TET1: variants seen among roughly 807,000 people sequenced by gnomAD.
The protein encoded by TET1 is methylcytosine dioxygenase TET1.
TET1 carries 13 observed loss-of-function variants against 148.7 expected under a neutral mutation model. That is an observed-to-expected ratio of 0.09 (90% CI 0.06 to 0.14). TET1 has a LOEUF of 0.14. Ranked by LOEUF, TET1 falls within the 10% of genes least tolerant of loss-of-function variation. The pLI is 1.00. For missense variants in TET1, 2,182 were observed against 2,553.8 expected (o/e 0.85, Z 3.14); for synonymous variants, 907 against 937.2 (o/e 0.97, Z 0.59).
At chr10:68,608,494 C>A (rs1420691494) in intron 3 of TET1, among the ~76,000 whole-genome samples, 1 of 152,088 alleles carries the variant, frequency 6.6e-6, no homozygotes, top group African/African-American at 2.4e-5. Context: ...CTTGGCCTCC[C>A]TAAGTGCTGG....
rs193189581 is a variant in TET1 at position 68,568,322 on chromosome 10, A to G, written c.-122-3895A>G. ...CCTGCAACCTCCACCTCTCTGGTTC[A>G]AGCGATTCTCATGCCTCAGCCTCCC... On this transcript the variant is annotated intron_variant, in intron 1 of 11. Transcript: ENST00000373644. Among the ~76,000 whole-genome samples the G allele has an allele frequency of 2.8e-3, 417 of 147,678 alleles. 3 individuals carry two copies. Among genetic ancestry groups the G allele is most frequent in the African/African-American group, 9.7e-3 (386 of 39,672 alleles).
At chr10:68,624,669 T>TTTCTTTCTTC (rs2054442623) in intron 3 of TET1, among the ~76,000 whole-genome samples, 1 of 91,682 alleles carries the variant, frequency 1.1e-5, no homozygotes, top group African/African-American at 4.4e-5. Context: ...TCTCTCTCTC[T>TTTCTTTCTTC]CTCTCTCTCT....
At chr10:68,568,879 G>T (rs2053635743) in intron 1 of TET1, among the ~76,000 whole-genome samples, 1 of 151,994 alleles carries the variant, frequency 6.6e-6, no homozygotes, top group African/African-American at 2.4e-5. Flanking sequence ...AAAGACCTGT[G>T]GGATCTTGTA....
Position 68,691,445 on chromosome 10 carries a change from T to C in TET1, c.6042T>C (p.Ala2014=), listed in dbSNP as rs1200700578. The stretch of plus-strand genomic sequence containing the variant: ...TTGGTGGGGTGGCCATCGCACCTGC[T>C]CACGGCTCGGTTTTGATTGAGTGTG... ...ANIGGVAIAP[A]HGSVLIECAR... is the part of the protein sequence containing the mutation. Residue 2014 remains alanine, a synonymous_variant, in exon 12 of 12, where the codon GCT becomes GCC. Coordinates refer to ENST00000373644, the MANE Select transcript of TET1 (RefSeq NM_030625.3). This position sits in a 1 kb window ranked among gnomAD's most constrained non-coding sequence, Gnocchi z 4.4. 1 of 1,614,046 alleles carries C rather than the reference T, an allele frequency of 6.2e-7. No individual in the cohort carries two copies. Among genetic ancestry groups the C allele is most frequent in the African/African-American group, 1.3e-5 (1 of 74,918 alleles).
chr10:68,687,795 G>A (rs2055535346), intron 11 of TET1, among the ~76,000 whole-genome samples: 1 of 152,160 alleles, frequency 6.6e-6, no homozygotes, highest in African/African-American at 2.4e-5. Context: ...TCACCTGTTT[G>A]CCAGGCTGAT....
chr10:68,604,655 G>C (rs1489661795), intron 3 of TET1, among the ~76,000 whole-genome samples: 1 of 152,192 alleles, frequency 6.6e-6, no homozygotes, highest in Non-Finnish European at 1.5e-5. Context: ...CTCTGATGTA[G>C]TACACGCTGG....
chr10:68,653,140 A>C (rs1207669283), intron 6 of TET1, among the ~76,000 whole-genome samples: 1 of 150,580 alleles, frequency 6.6e-6, no homozygotes, highest in African/African-American at 2.4e-5. Context: ...TAAATCTTTC[A>C]TTTTCTTTTG....
intron 3 of TET1, among the ~76,000 whole-genome samples, chr10:68,640,544 C>CTTTTT (rs60460824): frequency 0.078 from 3,362 of 42,856 alleles, 1,007 homozygotes; most frequent in Middle Eastern, 0.15. Context: ...TTCTTTCTTT[C>CTTTTT]TTTTTTTTTT....
intron 3 of TET1, among the ~76,000 whole-genome samples, chr10:68,644,129 T>A (rs965728418): frequency 2.6e-5 from 4 of 152,160 alleles, no homozygotes; most frequent in African/African-American, 9.6e-5. Flanking sequence ...GGTCTTGAAC[T>A]CCTGACCTTG....
chr10:68,687,539 G>A (rs66570999), intron 11 of TET1, among the ~76,000 whole-genome samples: 14,408 of 152,084 alleles, frequency 0.095, 906 homozygotes, highest in South Asian at 0.16. Context: ...TTTCAACAGT[G>A]GTATTGTGGG....
At chr10:68,576,755 CAG>C (rs1224195638) in intron 2 of TET1, among the ~76,000 whole-genome samples, 4 of 152,116 alleles carry the variant, frequency 2.6e-5, no homozygotes, top group African/African-American at 7.2e-5. Context: ...TTTTCTGAGA[CAG>C]AGTCTCACTC....
rs774959272 is a variant in TET1 at position 68,686,519 on chromosome 10, C to G, written c.5216C>G (p.Pro1739Arg). ...TCTGGGGCCATCGAGGTCCTGGCAC[C>G]CCGCCGCAAAAAAAGAACGTGTTTC... is the stretch of plus-strand genomic sequence containing the variant. ...IKSGAIEVLA[P>R]RRKKRTCFTQ... The change falls in exon 11 of 12, where the codon CCC becomes CGC. Residue 1739 changes from proline (P) to arginine (R), a missense_variant. By Grantham distance (103) the Pro-to-Arg change is moderately radical. Around this residue, in one of 11 missense-constraint regions of TET1, gnomAD observed 380 missense variants for 387.9 expected, o/e 0.98. Transcript: ENST00000373644. The G allele has an allele frequency of 1.9e-6, 3 of 1,613,848 alleles. No homozygotes were observed. In the African/African-American group the frequency reaches 4.0e-5, roughly 22 times the overall value.
At chr10:68,606,007 C>T (rs2054118267) in intron 3 of TET1, among the ~76,000 whole-genome samples, 2 of 152,232 alleles carry the variant, frequency 1.3e-5, no homozygotes, top group East Asian at 1.9e-4. Context: ...ATTACAGCCA[C>T]CCTCCCCTGC....
chr10:68,568,285 C>T (rs1033763461), intron 1 of TET1, among the ~76,000 whole-genome samples: 2 of 138,174 alleles, frequency 1.4e-5, no homozygotes, highest in Non-Finnish European at 3.0e-5. Context: ...TGCAATGGTG[C>T]GATCTTGGCT....
chr10:68,680,151 A>C (rs1418723221), intron 8 of TET1, among the ~76,000 whole-genome samples: 1 of 152,248 alleles, frequency 6.6e-6, no homozygotes, highest in Non-Finnish European at 1.5e-5. Context: ...GTCAGAAACC[A>C]CTAAATAATT....
At position 68,691,260 on chromosome 10, in the gene TET1, G is replaced by T. The variant is rs907260920; in HGVS notation, c.5857G>T (p.Ala1953Ser). 5 of 1,614,074 alleles carry T rather than the reference G, an allele frequency of 3.1e-6. No individual in the cohort carries two copies. The highest frequency in any genetic ancestry group is 1.7e-5 in the Admixed American group (1 of 59,992). Residue 1953 changes from alanine (A) to serine (S), a missense_variant, in exon 12 of 12, where the codon GCC becomes TCC. This residue lies in a region of TET1 where 380 missense variants were observed against 387.9 expected (regional missense o/e 0.98). Coordinates refer to ENST00000373644, the MANE Select transcript of TET1 (RefSeq NM_030625.3). The surrounding 1 kb of genome is among the most constrained non-coding windows in gnomAD (Gnocchi z 4.4). ...CTTCCTCACCTCTCCTCAAGACCTT[G>T]CCTCTTCTCCAATGGAAGAAGATGA... ...PSFLTSPQDL[A>S]SSPMEEDEQH...
intron 7 of TET1, among the ~76,000 whole-genome samples, chr10:68,670,043 T>C (rs1564502956): frequency 6.6e-6 from 1 of 152,208 alleles, no homozygotes; most frequent in Non-Finnish European, 1.5e-5. Flanking sequence ...TGTAGACTTA[T>C]TTCTTTCTTG....
intron 3 of TET1, among the ~76,000 whole-genome samples, chr10:68,624,652 CTT>C (rs1391991643): frequency 7.1e-4 from 41 of 57,716 alleles, no homozygotes; most frequent in East Asian, 2.0e-3. Context: ...TTCTTTCTTT[CTT>C]TCTTTCTCTC....
chr10:68,686,276 A>G (rs2055506745), intron 10 of TET1, 80 bp from the exon 11 acceptor site: 3 of 1,245,940 alleles, frequency 2.4e-6, no homozygotes, highest in Non-Finnish European at 3.4e-6. Flanking sequence ...CCCAAAGGCA[A>G]CAACACGAAG....
Sources: gnomAD v4.1 joint callset for allele counts (sites outside exome capture counted in the v4.1 genomes callset) on GRCh38, gnomAD v4.1.1 for gene constraint, gnomAD v4.1.1 regional missense constraint, Gnocchi (gnomAD v3.1) non-coding constraint, MANE v1.5 for transcripts, NCBI Gene and HGNC (gene_info 2026-07-23, HGNC 2026-07-21) for gene names.